Variants in DLG2 observed in about 807,000 individuals in gnomAD.
The protein encoded by DLG2 is disks large homolog 2.
DLG2 carries 45 observed loss-of-function variants against 132.5 expected under a neutral mutation model. The ratio of observed to expected loss-of-function variants is 0.34; its 90% confidence interval spans 0.27 to 0.44. The LOEUF is 0.44. Ranked by LOEUF, DLG2 falls within the 20% of genes least tolerant of loss-of-function variation. The pLI, the probability that DLG2 is intolerant of heterozygous loss-of-function variation, is 1.00. For missense variants in DLG2, 1,045 were observed against 1,196.9 expected (o/e 0.87, Z 1.87); for synonymous variants, 424 against 419.6 (o/e 1.01, Z -0.13).
intron 6 of DLG2, among the ~76,000 whole-genome samples, chr11:85,079,482 GA>G (rs2066966234): frequency 8.2e-6 from 1 of 121,510 alleles, no homozygotes; most frequent in South Asian, 3.1e-4. Context: ...GGGAGGCTTA[GA>G]ATTTTTTTTT....
At chr11:84,247,151 A>T (rs2097312564) in intron 8 of DLG2, among the ~76,000 whole-genome samples, 1 of 152,226 alleles carries the variant, frequency 6.6e-6, no homozygotes, top group African/African-American at 2.4e-5. Context: ...ATAAAAAAGC[A>T]TTCTAGAATC....
At chr11:84,099,763 A>G (rs1296784993) in intron 9 of DLG2, among the ~76,000 whole-genome samples, 1 of 146,974 alleles carries the variant, frequency 6.8e-6, no homozygotes, top group Non-Finnish European at 1.5e-5. Context: ...ATATATACAT[A>G]TATATACATA....
chr11:85,620,674 C>G (rs2081631568), intron 2 of DLG2, among the ~76,000 whole-genome samples: 1 of 152,196 alleles, frequency 6.6e-6, no homozygotes, highest in South Asian at 2.1e-4. Flanking sequence ...CCCCTCAAAC[C>G]AAAGTCTAAT....
At chr11:85,338,704 T>G (rs2082287792) in intron 3 of DLG2, among the ~76,000 whole-genome samples, 1 of 130,296 alleles carries the variant, frequency 7.7e-6, no homozygotes, top group East Asian at 2.1e-4. Flanking sequence ...ATAAATAATT[T>G]TTTTTTTTTT....
intron 18 of DLG2, among the ~76,000 whole-genome samples, chr11:83,776,141 CA>C (rs2094575934): frequency 6.6e-6 from 1 of 151,882 alleles, no homozygotes; most frequent in African/African-American, 2.4e-5. Context: ...ATGAATAAAA[CA>C]TGCTTTTCTG....
chr11:85,340,587 A>T (rs774047521), intron 3 of DLG2, among the ~76,000 whole-genome samples: 52 of 152,202 alleles, frequency 3.4e-4, no homozygotes, highest in Non-Finnish European at 5.1e-4. Context: ...ATGTATACCT[A>T]CGTATCAAAC....
intron 7 of DLG2, among the ~76,000 whole-genome samples, chr11:84,427,533 C>T (rs199577958): frequency 6.6e-6 from 1 of 151,856 alleles, no homozygotes; most frequent in South Asian, 2.1e-4. Context: ...ACGAAGATGA[C>T]AAAGAACTTT....
chr11:84,068,762 T>A (rs2096714665), intron 10 of DLG2, among the ~76,000 whole-genome samples: 1 of 152,180 alleles, frequency 6.6e-6, no homozygotes, highest in Non-Finnish European at 1.5e-5. Context: ...TGGCACCTAG[T>A]GGGAAAAGTT....
intron 3 of DLG2, among the ~76,000 whole-genome samples, chr11:85,315,574 T>C (rs1158948611): frequency 6.6e-6 from 1 of 151,958 alleles, no homozygotes; most frequent in Non-Finnish European, 1.5e-5. Flanking sequence ...ATATCGAACA[T>C]CTTCCAATGC....
chr11:85,205,144 G>C (rs1363509798), intron 4 of DLG2, among the ~76,000 whole-genome samples: 3 of 142,858 alleles, frequency 2.1e-5, no homozygotes, highest in Admixed American at 1.4e-4. Flanking sequence ...ATATATGTGT[G>C]TGTATATATA....
intron 7 of DLG2, among the ~76,000 whole-genome samples, chr11:84,255,521 G>T (rs1046179962): frequency 1.3e-5 from 2 of 151,914 alleles, no homozygotes; most frequent in African/African-American, 2.4e-5. Context: ...ATGCAGTTTT[G>T]CCAGGTTGCC....
rs572661343 is a variant in DLG2, at chr11:83,664,078, A to G, written c.1826-30753T>C. On this transcript the variant is annotated intron_variant, in intron 18 of 27. Coordinates refer to ENST00000376104, the MANE Select transcript of DLG2 (RefSeq NM_001142699.3). ...AGATGATAGCTCTCTTACAGAGCTTACTGTAAGGATAAGCTATTGTAGACA... is the reference window on the plus strand; with the variant it reads ...AGATGATAGCTCTCTTACAGAGCTTGCTGTAAGGATAAGCTATTGTAGACA... 5.3e-5 allele frequency among the ~76,000 whole-genome samples: 8 copies of G among 152,290 alleles called. No individual in the cohort carries two copies. In the South Asian group the frequency reaches 1.2e-3, roughly 24 times the overall value.
At chr11:85,170,112 A>C (rs1230830246) in intron 4 of DLG2, among the ~76,000 whole-genome samples, 1 of 152,236 alleles carries the variant, frequency 6.6e-6, no homozygotes, top group South Asian at 2.1e-4. Context: ...AAGGAAATGA[A>C]GATCCAAAGA....
At chr11:84,130,807 C>T (rs530716434) in intron 9 of DLG2, among the ~76,000 whole-genome samples, 38 of 151,584 alleles carry the variant, frequency 2.5e-4, no homozygotes, top group African/African-American at 8.5e-4. Flanking sequence ...AAGCAAATGG[C>T]CCCAGTTGCT....
chr11:83,687,830 A>G (rs1348101944), intron 18 of DLG2, among the ~76,000 whole-genome samples: 2 of 151,944 alleles, frequency 1.3e-5, no homozygotes, highest in South Asian at 2.1e-4. Flanking sequence ...TCTCCACTAA[A>G]ACAAACAAAC....
At chr11:84,436,519 A>T (rs1394282432) in intron 7 of DLG2, among the ~76,000 whole-genome samples, 9 of 152,160 alleles carry the variant, frequency 5.9e-5, no homozygotes, top group Non-Finnish European at 1.3e-4. Context: ...GAATATGAAA[A>T]ATCTGTTTCA....
At chr11:83,511,954 T>C (rs577333959) in intron 21 of DLG2, among the ~76,000 whole-genome samples, 2 of 152,220 alleles carry the variant, frequency 1.3e-5, no homozygotes, top group East Asian at 3.9e-4. Flanking sequence ...GGCAGCAACA[T>C]GGCTATAGTA....
chr11:85,405,904 T>C (rs1455435358), intron 3 of DLG2, among the ~76,000 whole-genome samples: 1 of 151,988 alleles, frequency 6.6e-6, no homozygotes, highest in Non-Finnish European at 1.5e-5. Context: ...TCAGAAGATA[T>C]GCTTTAAAGT....
intron 3 of DLG2, among the ~76,000 whole-genome samples, chr11:85,502,558 C>T (rs572817931): frequency 5.3e-5 from 8 of 151,782 alleles, no homozygotes; most frequent in Non-Finnish European, 1.0e-4. Flanking sequence ...GAAGAGAAAA[C>T]CAAACACCGC....
Sources: gnomAD v4.1 joint callset for allele counts (sites outside exome capture counted in the v4.1 genomes callset) on GRCh38, gnomAD v4.1.1 for gene constraint, MANE v1.5 for transcripts, NCBI Gene and HGNC (gene_info 2026-07-23, HGNC 2026-07-21) for gene names.